Variants in CACNA2D3 observed in about 807,000 individuals in gnomAD.
The protein encoded by CACNA2D3 is voltage-dependent calcium channel subunit alpha-2/delta-3.
Under a neutral mutation model 160.6 loss-of-function variants are expected in CACNA2D3, and 60 were observed. The observed-to-expected ratio is 0.37, with a 90% CI of 0.30 to 0.46. The LOEUF is 0.46. Among genes scored for constraint, CACNA2D3 ranks in the 20% least tolerant of loss-of-function variants. The probability of loss-of-function intolerance (pLI) is 1.00; values close to 1 mark genes in which losing one functional copy is unlikely to be tolerated. For missense variants in CACNA2D3, 1,205 were observed against 1,365.0 expected (o/e 0.88, Z 1.85); for synonymous variants, 558 against 492.9 (o/e 1.13, Z -1.75).
chr3:55,067,299 G>C (rs1209426236), intron 35 of CACNA2D3, among the ~76,000 whole-genome samples: 2 of 152,164 alleles, frequency 1.3e-5, no homozygotes, highest in Non-Finnish European at 2.9e-5. Flanking sequence ...TCCAGCACGA[G>C]ACAGACAGTC....
At chr3:54,742,994 T>A (rs1451333676) in intron 11 of CACNA2D3, among the ~76,000 whole-genome samples, 1 of 152,180 alleles carries the variant, frequency 6.6e-6, no homozygotes, top group Non-Finnish European at 1.5e-5. Flanking sequence ...CTCAACTGAT[T>A]GATAACAGAT....
rs534138796 is a variant in CACNA2D3 at position 54,175,257 on chromosome 3, C to T, written c.204+51663C>T. 2.7e-4 allele frequency among the ~76,000 whole-genome samples: 41 copies of T among 152,232 alleles called. No homozygotes were observed. In the South Asian group the frequency reaches 8.3e-3, roughly 31 times the overall value. On this transcript the variant is annotated intron_variant, in intron 2 of 37. Transcript: ENST00000474759. ...TTCATAGTTAGCATTAGCAAATGGA[C>T]TTGTAGGGGCCATGGGGGATGTTTC...
At chr3:54,627,941 T>C (rs1290133923) in intron 10 of CACNA2D3, 65 bp downstream of exon 10, 10 of 1,157,828 alleles carry the variant, frequency 8.6e-6, no homozygotes, top group Non-Finnish European at 1.3e-5. Context: ...TTTTAGAAAA[T>C]TGTGGGCCAG....
chr3:54,956,279 C>T (rs1365679912), intron 27 of CACNA2D3, among the ~76,000 whole-genome samples: 1 of 152,208 alleles, frequency 6.6e-6, no homozygotes, highest in Admixed American at 6.5e-5. Flanking sequence ...GCATGGTCTT[C>T]CCTTGGCTGT....
At chr3:54,201,993 G>C (rs936032566) in intron 2 of CACNA2D3, among the ~76,000 whole-genome samples, 1 of 152,160 alleles carries the variant, frequency 6.6e-6, no homozygotes, top group Non-Finnish European at 1.5e-5. Flanking sequence ...GGGGCACTCA[G>C]TTAAATTTGA....
intron 27 of CACNA2D3, among the ~76,000 whole-genome samples, chr3:54,911,349 G>A (rs1014201638): frequency 3.3e-4 from 6 of 18,008 alleles, no homozygotes; most frequent in Admixed American, 2.3e-3. Flanking sequence ...CTTCTTTGTC[G>A]TCTTTTTTTT....
At position 54,837,243 on chromosome 3, in the gene CACNA2D3, G is replaced by A. The variant is rs375748847; in HGVS notation, c.1470+13G>A. 2.3e-4 allele frequency: 372 copies of A among 1,612,152 alleles called. 2 individuals are homozygous for A. The African/African-American group carries it at 3.9e-3, about 17-fold the overall frequency. On this transcript the variant is annotated intron_variant, in intron 15 of 37. Coordinates refer to ENST00000474759, the MANE Select transcript of CACNA2D3 (RefSeq NM_018398.3). Reference sequence around the variant, plus strand: ...GCAGAACGAAACCGTGAGTACAGTCGCTGAGCTTCCTGCTTGATGCTAGGA... The same window carrying A: ...GCAGAACGAAACCGTGAGTACAGTCACTGAGCTTCCTGCTTGATGCTAGGA...
chr3:54,365,164 T>C (rs1698807675), intron 3 of CACNA2D3, among the ~76,000 whole-genome samples: 1 of 152,230 alleles, frequency 6.6e-6, no homozygotes, highest in South Asian at 2.1e-4. Context: ...CTGCTTCAAA[T>C]GAAGTGGGGA....
intron 12 of CACNA2D3, 39 bp from the exon 13 acceptor site, chr3:54,764,179 G>C (rs373495731): frequency 1.4e-5 from 23 of 1,611,302 alleles, no homozygotes; most frequent in Non-Finnish European, 1.7e-5. Context: ...AAGTCTTTCT[G>C]TCTGTTACTA....
At chr3:54,463,865 A>C (rs915043823) in intron 4 of CACNA2D3, among the ~76,000 whole-genome samples, 9 of 151,884 alleles carry the variant, frequency 5.9e-5, no homozygotes, top group Non-Finnish European at 8.8e-5. Flanking sequence ...TAGAGTTTCC[A>C]GTTTTTCTGC....
intron 11 of CACNA2D3, among the ~76,000 whole-genome samples, chr3:54,715,947 GA>G (rs1159843899): frequency 2.0e-5 from 3 of 152,192 alleles, no homozygotes; most frequent in Non-Finnish European, 4.4e-5. Context: ...CTTGCAGTTA[GA>G]AGATTAATAA....
intron 11 of CACNA2D3, among the ~76,000 whole-genome samples, chr3:54,738,261 T>G (rs1022644779): frequency 5.3e-5 from 8 of 152,202 alleles, no homozygotes; most frequent in African/African-American, 1.9e-4. Context: ...ATAATCTGGC[T>G]TCTCTCTTCA....
intron 4 of CACNA2D3, among the ~76,000 whole-genome samples, chr3:54,394,465 C>T (rs2106682627): frequency 7.1e-6 from 1 of 140,654 alleles, no homozygotes; most frequent in Middle Eastern, 3.5e-3. Flanking sequence ...GCTATCCCTC[C>T]TCCCTCCCCC....
chr3:54,418,860 C>A (rs6445656), intron 4 of CACNA2D3, among the ~76,000 whole-genome samples: 152,078 of 152,294 alleles, frequency 1, 75,932 homozygotes, highest in Middle Eastern at 1. Flanking sequence ...TATTATTTTG[C>A]CCCATACCCT....
intron 11 of CACNA2D3, among the ~76,000 whole-genome samples, chr3:54,701,989 C>A (rs1428532701): frequency 6.6e-6 from 1 of 152,068 alleles, no homozygotes; most frequent in African/African-American, 2.4e-5. Context: ...ACCAAGTCAA[C>A]AATAACAAGC....
intron 4 of CACNA2D3, among the ~76,000 whole-genome samples, chr3:54,411,844 T>C: frequency 6.6e-6 from 1 of 152,198 alleles, no homozygotes; most frequent in Non-Finnish European, 1.5e-5. Context: ...ATCACCTGTT[T>C]GATGTTCATT....
chr3:54,957,899 C>T (rs556759710), intron 27 of CACNA2D3, among the ~76,000 whole-genome samples: 2 of 152,206 alleles, frequency 1.3e-5, no homozygotes, highest in Non-Finnish European at 2.9e-5. Flanking sequence ...TCCTTCCCTC[C>T]CCTGCTGAGA....
At chr3:54,888,969 G>A (rs542650011) in intron 24 of CACNA2D3, among the ~76,000 whole-genome samples, 32 of 152,300 alleles carry the variant, frequency 2.1e-4, no homozygotes, top group African/African-American at 7.7e-4. Flanking sequence ...TGCTTTGAAG[G>A]AAAAGTAAAG....
chr3:54,295,774 T>C (rs1385852953), intron 2 of CACNA2D3, among the ~76,000 whole-genome samples: 2 of 152,200 alleles, frequency 1.3e-5, no homozygotes, highest in Non-Finnish European at 2.9e-5. Flanking sequence ...CACAAAGAAT[T>C]TCCTTGTGAT....
Sources: gnomAD v4.1 joint callset for allele counts (sites outside exome capture counted in the v4.1 genomes callset) on GRCh38, gnomAD v4.1.1 for gene constraint, MANE v1.5 for transcripts, NCBI Gene and HGNC (gene_info 2026-07-23, HGNC 2026-07-21) for gene names.